Variants in PCDH15 observed in about 807,000 individuals in gnomAD.
PCDH15 encodes the protein protocadherin related 15, also known as protocadherin-15.
In PCDH15, 129 loss-of-function variants were observed where a neutral mutation model predicts 178.5. That is an observed-to-expected ratio of 0.72 (90% CI 0.63 to 0.84). The LOEUF (loss-of-function observed/expected upper bound fraction) is 0.84. Among genes scored for constraint, PCDH15 ranks in the 40% least tolerant of loss-of-function variants. PCDH15 has a pLI of 0.00. For synonymous variants in PCDH15, 800 were observed against 732.0 expected, an observed-to-expected ratio of 1.09 and a Z score of -1.50; for missense variants, 2,230 against 2,099.9, an observed-to-expected ratio of 1.06 and a Z score of -1.21.
chr10:54,335,555 A>G (rs1053865416), intron 6 of PCDH15, among the ~76,000 whole-genome samples: 3 of 152,170 alleles, frequency 2.0e-5, no homozygotes, highest in Admixed American at 6.5e-5. Flanking sequence ...GTGGTAGTGA[A>G]TAAGTCTCAT....
chr10:55,475,286 G>C (rs1018004288), intron 2 of PCDH15, among the ~76,000 whole-genome samples: 1 of 152,076 alleles, frequency 6.6e-6, no homozygotes, highest in African/African-American at 2.4e-5. Context: ...TTCCACACTA[G>C]GTTGGGAAAA....
intron 18 of PCDH15, among the ~76,000 whole-genome samples, chr10:54,059,374 A>G (rs1206158277): frequency 6.6e-6 from 1 of 152,244 alleles, no homozygotes. Context: ...ATAATTATGC[A>G]TAACCCCAAC....
chr10:54,078,523 T>C lies in PCDH15; in HGVS notation c.2091+808A>G, dbSNP rs115756289. The stretch of plus-strand genomic sequence containing the variant: ...ATTTAAATTGAGTGAGCCTTGCTTA[T>C]CAATCTGTAATGGGTTTGAAATTAT... On this transcript the variant is annotated intron_variant, in intron 17 of 37. Transcript: ENST00000644397. Among the ~76,000 whole-genome samples the C allele has an allele frequency of 4.1e-3, 624 of 152,100 alleles. 3 individuals are homozygous for C. Among genetic ancestry groups the C allele is most frequent in the African/African-American group, 0.014 (593 of 41,500 alleles).
chr10:55,182,121 G>A (rs900776740), intron 1 of PCDH15, among the ~76,000 whole-genome samples: 3 of 151,884 alleles, frequency 2.0e-5, no homozygotes, highest in African/African-American at 4.8e-5. Context: ...TTGGCATTCT[G>A]AGGTTTTCTA....
At chr10:54,062,253 C>A (rs10825213) in intron 18 of PCDH15, among the ~76,000 whole-genome samples, 18,328 of 65,314 alleles carry the variant, frequency 0.28, 2,115 homozygotes, top group Middle Eastern at 0.38. Context: ...AAAAAAAAAA[C>A]AAAAAACAAC....
intron 1 of PCDH15, among the ~76,000 whole-genome samples, chr10:55,189,265 C>T (rs1018295097): frequency 6.6e-6 from 1 of 151,828 alleles, no homozygotes; most frequent in African/African-American, 2.4e-5. Flanking sequence ...CTAGACTGTG[C>T]AAATCTAAAA....
At chr10:54,760,008 T>C (rs1217479314) in intron 1 of PCDH15, among the ~76,000 whole-genome samples, 1 of 152,190 alleles carries the variant, frequency 6.6e-6, no homozygotes, top group Non-Finnish European at 1.5e-5. Context: ...TTCATACTGA[T>C]CTCAGCAGAT....
intron 1 of PCDH15, among the ~76,000 whole-genome samples, chr10:55,296,282 T>C (rs559400269): frequency 6.6e-6 from 1 of 152,270 alleles, no homozygotes; most frequent in Non-Finnish European, 1.5e-5. Context: ...ATTGGCACTT[T>C]GTGACTGAAC....
chr10:54,174,702 C>CTTTTTTTTTTTTTTTTTTTTTTTTTT lies in PCDH15; in HGVS notation c.1590+8741_1590+8742insAAAAAAAAAAAAAAAAAAAAAAAAAA, dbSNP rs1169302544. Among the ~76,000 whole-genome samples, 109 of 84,046 alleles carry CTTTTTTTTTTTTTTTTTTTTTTTTTT rather than the reference C, an allele frequency of 1.3e-3. 4 individuals are homozygous for CTTTTTTTTTTTTTTTTTTTTTTTTTT. Among genetic ancestry groups the CTTTTTTTTTTTTTTTTTTTTTTTTTT allele is most frequent in the Middle Eastern group, 0.016 (1 of 62 alleles). 55.1% of individuals were successfully genotyped at this position (84,046 alleles called of 152,430 possible). A position where few individuals can be genotyped will look rare whatever the true frequency, so the allele number is the denominator to read the frequency against. ...CTTCTTTCTTTTTTCTTTTTCTTTT[C>CTTTTTTTTTTTTTTTTTTTTTTTTTT]TTTTTTTTTTTTTTTTTTTTTGAGA... On this transcript the variant is annotated intron_variant, in intron 13 of 37. Coordinates refer to ENST00000644397, the MANE Select transcript of PCDH15 (RefSeq NM_001384140.1).
chr10:54,222,356 C>G (rs2052932369), intron 9 of PCDH15, among the ~76,000 whole-genome samples: 3 of 152,160 alleles, frequency 2.0e-5, no homozygotes, highest in Non-Finnish European at 4.4e-5. Context: ...AAAGTTAAAT[C>G]TTTAGCAATG....
chr10:54,081,981 T>C (rs935297818), intron 16 of PCDH15, among the ~76,000 whole-genome samples: 4 of 152,234 alleles, frequency 2.6e-5, no homozygotes, highest in Admixed American at 2.0e-4. Context: ...AGAATTTGTT[T>C]TAAAAAAAGG....
intron 2 of PCDH15, among the ~76,000 whole-genome samples, chr10:55,373,871 C>T (rs1845560147): frequency 6.8e-6 from 1 of 146,756 alleles, no homozygotes; most frequent in East Asian, 2.1e-4. Flanking sequence ...AAACACTGCA[C>T]ATAAGTGGGA....
intron 1 of PCDH15, among the ~76,000 whole-genome samples, chr10:55,298,881 G>A (rs1843201783): frequency 6.6e-6 from 1 of 152,072 alleles, no homozygotes; most frequent in Admixed American, 6.6e-5. Flanking sequence ...CCCGGCGATA[G>A]TGTCGACTTT....
chr10:54,825,288 G>A (rs534410531), intron 3 of PCDH15, among the ~76,000 whole-genome samples: 1 of 150,548 alleles, frequency 6.6e-6, no homozygotes, highest in Non-Finnish European at 1.5e-5. Flanking sequence ...GGACATTTGG[G>A]TTGGTTCCAA....
chr10:54,593,157 C>A (rs2091986858), intron 2 of PCDH15, among the ~76,000 whole-genome samples: 1 of 152,036 alleles, frequency 6.6e-6, no homozygotes, highest in Non-Finnish European at 1.5e-5. Context: ...TTTTACTGTG[C>A]AGAAGCTTTT....
intron 2 of PCDH15, among the ~76,000 whole-genome samples, chr10:55,528,806 A>T (rs370972299): frequency 2.0e-5 from 3 of 151,990 alleles, no homozygotes; most frequent in Non-Finnish European, 4.4e-5. Flanking sequence ...CGCCACACTG[A>T]CTTCCACAAT....
rs1028670461 is a variant in PCDH15, at chr10:55,603,608, G to T, written c.-156+24017C>A. ...CAATATTCAACATTCTTAAAGAAAAGAATTTTCAACCCAGAATTTCATATC... is the reference window on the plus strand; with the variant it reads ...CAATATTCAACATTCTTAAAGAAAATAATTTTCAACCCAGAATTTCATATC... On this transcript the variant is annotated intron_variant, in intron 2 of 5. Coordinates refer to the PCDH15 transcript ENST00000613346. Among the ~76,000 whole-genome samples, 6 of 151,456 alleles carry T rather than the reference G, an allele frequency of 4.0e-5. No individual in the cohort carries two copies. The East Asian group carries it at 5.8e-4, about 15-fold the overall frequency.
intron 3 of PCDH15, among the ~76,000 whole-genome samples, chr10:54,414,042 T>C (rs1291348175): frequency 6.6e-6 from 1 of 152,072 alleles, no homozygotes; most frequent in Non-Finnish European, 1.5e-5. Context: ...ACACAATATA[T>C]ACATATGACA....
At chr10:55,137,852 G>A (rs1838241716) in intron 2 of PCDH15, among the ~76,000 whole-genome samples, 1 of 152,050 alleles carries the variant, frequency 6.6e-6, no homozygotes, top group Non-Finnish European at 1.5e-5. Flanking sequence ...TAGTCCTGGT[G>A]GAAATTTTGG....
Sources: allele counts gnomAD v4.1 joint callset (sites outside exome capture counted in the v4.1 genomes callset), GRCh38; gene constraint gnomAD v4.1.1; transcripts MANE v1.5; gene names NCBI Gene and HGNC (gene_info 2026-07-23, HGNC 2026-07-21).